Variants in FBXL4 observed in about 807,000 individuals in gnomAD.
FBXL4 encodes the protein F-box/LRR-repeat protein 4.
In FBXL4, 40 loss-of-function variants were observed where a neutral mutation model predicts 58.9. The ratio of observed to expected loss-of-function variants is 0.68; its 90% confidence interval spans 0.53 to 0.88. The LOEUF is 0.88. FBXL4 is among the 40% of genes least tolerant of loss of function. The probability of loss-of-function intolerance (pLI) is 0.00; values close to 1 mark genes in which losing one functional copy is unlikely to be tolerated. For synonymous variants in FBXL4, 263 were observed against 265.5 expected, an observed-to-expected ratio of 0.99 and a Z score of 0.09; for missense variants, 676 against 734.4, an observed-to-expected ratio of 0.92 and a Z score of 0.92.
In FBXL4 at chr6:98,875,525, T is replaced by C. The variant is rs776893791; in HGVS notation, c.1592A>G (p.Gln531Arg). 1.2e-6 allele frequency: 2 copies of C among 1,614,200 alleles called. No individual in the cohort carries two copies. Among genetic ancestry groups the C allele is most frequent in the Non-Finnish European group, 1.7e-6 (2 of 1,180,018 alleles). The part of the protein sequence containing the change: ...STGCFTRLAH[Q>R]LPNLQKLFLT... Reference sequence around the variant, plus strand: ...AAAGAGTTTTTGCAAGTTTGGGAGCTGGTGTGCCAGTCTGGTGAAGCACCC... The same window carrying C: ...AAAGAGTTTTTGCAAGTTTGGGAGCCGGTGTGCCAGTCTGGTGAAGCACCC... Residue 531 changes from glutamine (Q) to arginine (R), a missense_variant, in exon 9 of 10, where the codon CAG becomes CGG. Coordinates refer to ENST00000369244, the MANE Select transcript of FBXL4 (RefSeq NM_001278716.2).
intron 1 of FBXL4, among the ~76,000 whole-genome samples, chr6:98,945,665 T>A (rs763952228): frequency 6.6e-6 from 1 of 152,204 alleles, no homozygotes; most frequent in African/African-American, 2.4e-5. Flanking sequence ...CAAATGGATA[T>A]GAGGATATCT....
At chr6:98,913,522 C>T (rs370278565) in intron 5 of FBXL4, among the ~76,000 whole-genome samples, 99 of 152,234 alleles carry the variant, frequency 6.5e-4, no homozygotes, top group East Asian at 9.6e-4. Context: ...CACTCAAAAC[C>T]GCTCAACTAC....
chr6:98,871,199 C>A lies in FBXL4; in HGVS notation c.*3079G>T, dbSNP rs142417814. 6.6e-6 allele frequency: 1 copy of A among 152,094 alleles called. No homozygotes were observed. The highest frequency in any genetic ancestry group is 6.6e-5 in the Admixed American group (1 of 15,264). 9.4% of individuals were successfully genotyped at this position (152,094 alleles called of 1,614,324 possible). A position where few individuals can be genotyped will look rare whatever the true frequency, so the allele number is the denominator to read the frequency against. ...ATAACTAAATTGTGTTTGATTCTATCGGCTGAAGGACTGTGTCCAAAGTAA... is the reference window on the plus strand; with the variant it reads ...ATAACTAAATTGTGTTTGATTCTATAGGCTGAAGGACTGTGTCCAAAGTAA... On this transcript the variant is annotated 3_prime_UTR_variant, in exon 10 of 10. Coordinates refer to ENST00000369244, the MANE Select transcript of FBXL4 (RefSeq NM_001278716.2).
chr6:98,900,362 T>C (rs1771560979), intron 6 of FBXL4, among the ~76,000 whole-genome samples: 1 of 152,212 alleles, frequency 6.6e-6, no homozygotes, highest in Non-Finnish European at 1.5e-5. Flanking sequence ...ATACTGTTAG[T>C]CAATTTATGC....
intron 7 of FBXL4, 35 bp downstream of exon 7, chr6:98,899,233 T>C (rs770655673): frequency 6.2e-7 from 1 of 1,608,244 alleles, no homozygotes; most frequent in Non-Finnish European, 8.5e-7. Context: ...TTGGCTACCA[T>C]AATAGCAATG....
chr6:98,911,769 C>T (rs1042555317), intron 5 of FBXL4, among the ~76,000 whole-genome samples: 2 of 152,168 alleles, frequency 1.3e-5, no homozygotes, highest in Non-Finnish European at 2.9e-5. Flanking sequence ...AAAAGCAGAG[C>T]GCCTCTCCTC....
At chr6:98,905,709 A>C (rs1771784631) in intron 5 of FBXL4, 39 bp from the exon 6 acceptor site, 1 of 1,598,618 alleles carries the variant, frequency 6.3e-7, no homozygotes, top group South Asian at 1.1e-5. Flanking sequence ...CAAGAGTGAA[A>C]AGCAGTATCA....
At chr6:98,925,861 G>A (rs753451328) in intron 4 of FBXL4, among the ~76,000 whole-genome samples, 8 of 152,184 alleles carry the variant, frequency 5.3e-5, no homozygotes, top group Non-Finnish European at 1.0e-4. Context: ...TGGGTCCTAG[G>A]CACATGGAGA....
rs201901274 is a variant in FBXL4, at chr6:98,926,885, T to C, written c.104A>G (p.His35Arg). The part of the protein sequence containing the change: ...TATRGEMMNT[H>R]RAIESNSQTS... The stretch of plus-strand genomic sequence containing the variant: ...CTGGCTGTTTGATTCTATAGCTCTA[T>C]GGGTGTTCATCATTTCTCCTCTTGT... The change falls in exon 4 of 10, where the codon CAT becomes CGT. Residue 35 changes from histidine to arginine, a missense_variant. By Grantham distance (29) the His-to-Arg change is conservative. Transcript: ENST00000369244. 114 of 1,614,038 alleles carry C rather than the reference T, an allele frequency of 7.1e-5. No individual in the cohort carries two copies. Among genetic ancestry groups the C allele is most frequent in the Non-Finnish European group, 6.3e-5 (74 of 1,180,028 alleles).
At chr6:98,926,396 C>T (rs1483591718) in intron 4 of FBXL4, 81 bp downstream of exon 4, 11 of 1,383,554 alleles carry the variant, frequency 8.0e-6, no homozygotes, top group Non-Finnish European at 1.1e-5. Flanking sequence ...TAAAAGAATG[C>T]TTGCAATAAA....
rs1480199268 is a variant in FBXL4, at chr6:98,870,663, A to C, written c.*3615T>G. On this transcript the variant is annotated 3_prime_UTR_variant, in exon 10 of 10. Coordinates refer to ENST00000369244, the MANE Select transcript of FBXL4 (RefSeq NM_001278716.2). ...CTTACCCATAACATCAAAACAAGAG[A>C]AAAAAAGAAAAGTAGACTTGAAGTG... 1 of 152,206 alleles carries C rather than the reference A, an allele frequency of 6.6e-6. No homozygotes were observed. Among genetic ancestry groups the C allele is most frequent in the Non-Finnish European group, 1.5e-5 (1 of 68,036 alleles). The allele number at this position is 152,206 out of a possible 1,614,324, so 9.4% of individuals were successfully genotyped here.
chr6:98,914,765 GGA>G (rs1772265413), intron 5 of FBXL4, among the ~76,000 whole-genome samples: 1 of 152,186 alleles, frequency 6.6e-6, no homozygotes, highest in Non-Finnish European at 1.5e-5. Context: ...GCACAAGACA[GGA>G]ATGCCCTCTC....
At chr6:98,906,925 T>A (rs745624363) in intron 5 of FBXL4, among the ~76,000 whole-genome samples, 3 of 152,240 alleles carry the variant, frequency 2.0e-5, no homozygotes, top group Non-Finnish European at 2.9e-5. Context: ...TGACCAGTGA[T>A]GATGAACATT....
chr6:98,916,037 A>G (rs1475132030), intron 5 of FBXL4, among the ~76,000 whole-genome samples: 1 of 151,676 alleles, frequency 6.6e-6, no homozygotes, highest in Non-Finnish European at 1.5e-5. Flanking sequence ...AAAAGAAGAC[A>G]TTTATGCAGC....
At chr6:98,921,878 ATCT>A (rs1295326944) in intron 4 of FBXL4, among the ~76,000 whole-genome samples, 8 of 152,004 alleles carry the variant, frequency 5.3e-5, no homozygotes, top group Non-Finnish European at 1.0e-4. Flanking sequence ...TCTATTTGTC[ATCT>A]TCTTCTTCCC....
intron 4 of FBXL4, among the ~76,000 whole-genome samples, chr6:98,919,102 A>G (rs780516406): frequency 3.7e-4 from 56 of 152,160 alleles, no homozygotes; most frequent in Non-Finnish European, 7.4e-4. Context: ...AAATTATAGA[A>G]GCCATCAACA....
chr6:98,878,888 G>A (rs1770749033), intron 8 of FBXL4, among the ~76,000 whole-genome samples: 1 of 152,114 alleles, frequency 6.6e-6, no homozygotes, highest in South Asian at 2.1e-4. Context: ...AGTCACTGAA[G>A]AGACCCACAG....
Position 98,926,689 on chromosome 6 carries a change from A to T in FBXL4, c.300T>A (p.Tyr100Ter), listed in dbSNP as rs573472397. 1 of 1,614,116 alleles carries T rather than the reference A, an allele frequency of 6.2e-7. No individual in the cohort carries two copies. The highest frequency in any genetic ancestry group is 1.3e-5 in the African/African-American group (1 of 74,942). Residue 100 changes from tyrosine (Y) to a stop codon, truncating the protein, a stop_gained, in exon 4 of 10, where the codon TAT becomes TAA. Coordinates refer to ENST00000369244, the MANE Select transcript of FBXL4 (RefSeq NM_001278716.2). LOFTEE classifies it high-confidence loss of function. ...TAGGACACTGATCCCACCATGTCCC[A>T]TAAGTTCGAAACACAGCTGTCTGAG... is the stretch of plus-strand genomic sequence containing the variant. ...DFTQTAVFRT[Y>*]GTWWDQCPSA... is the part of the protein sequence containing the mutation.
chr6:98,912,259 A>G (rs900451965), intron 5 of FBXL4, among the ~76,000 whole-genome samples: 3 of 152,230 alleles, frequency 2.0e-5, no homozygotes, highest in Middle Eastern at 3.2e-3. Context: ...TCTGCAGGAT[A>G]TTATCCAGGA....
Sources: allele counts gnomAD v4.1 joint callset (sites outside exome capture counted in the v4.1 genomes callset), GRCh38; gene constraint gnomAD v4.1.1; transcripts MANE v1.5; gene names NCBI Gene and HGNC (gene_info 2026-07-23, HGNC 2026-07-21).